HHAT: variants seen among roughly 807,000 people sequenced by gnomAD.
HHAT encodes the protein hedgehog acyltransferase, also known as protein-cysteine N-palmitoyltransferase HHAT.
In HHAT, 47 loss-of-function variants were observed where a neutral mutation model predicts 70.8. The observed-to-expected ratio is 0.66, with a 90% CI of 0.53 to 0.85. HHAT has a LOEUF of 0.85. HHAT is among the 40% of genes least tolerant of loss of function. HHAT has a pLI of 0.00. For synonymous variants in HHAT, 228 were observed against 247.6 expected (o/e 0.92, Z 0.74); for missense variants, 609 against 604.8 (o/e 1.01, Z -0.07).
chr1:210,541,154 TA>T (rs2148660344), intron 9 of HHAT, among the ~76,000 whole-genome samples: 1 of 146,094 alleles, frequency 6.8e-6, no homozygotes, highest in South Asian at 2.2e-4. Flanking sequence ...TATTGCTTTT[TA>T]AATGAAAAAA....
At chr1:210,359,733 G>T (rs1213059963) in intron 2 of HHAT, among the ~76,000 whole-genome samples, 3 of 152,102 alleles carry the variant, frequency 2.0e-5, no homozygotes, top group Non-Finnish European at 4.4e-5. Flanking sequence ...TGGGCATAGT[G>T]GTGCACACCT....
At chr1:210,547,470 G>T (rs2095493518) in intron 9 of HHAT, among the ~76,000 whole-genome samples, 1 of 152,202 alleles carries the variant, frequency 6.6e-6, no homozygotes, top group South Asian at 2.1e-4. Context: ...GAAGCATATG[G>T]AATCCCGTTA....
chr1:210,342,733 A>G (rs2086144305), intron 1 of HHAT, among the ~76,000 whole-genome samples: 1 of 152,226 alleles, frequency 6.6e-6, no homozygotes, highest in Non-Finnish European at 1.5e-5. Flanking sequence ...AAAGAGGGAC[A>G]TGCTTGTTTA....
Position 210,387,524 on chromosome 1 carries a change from G to A in HHAT, c.216G>A (p.Val72=), listed in dbSNP as rs2091172793. 1 of 1,614,138 alleles carries A rather than the reference G, an allele frequency of 6.2e-7. No homozygotes were observed. Among genetic ancestry groups the A allele is most frequent in the South Asian group, 1.1e-5 (1 of 91,070 alleles). Residue 72 remains valine, a synonymous_variant, in exon 4 of 12, where the codon GTG becomes GTA. Transcript: ENST00000261458. ...FWMEWGKQWL[V]WLLLGHMVVS... ...TGGAATGGGGGAAGCAGTGGCTGGT[G>A]TGGCTTCTCCTTGGCCACATGGTAG... is the stretch of plus-strand genomic sequence containing the variant.
At chr1:210,449,111 G>A (rs1182027948) in intron 7 of HHAT, among the ~76,000 whole-genome samples, 2 of 152,126 alleles carry the variant, frequency 1.3e-5, no homozygotes, top group Non-Finnish European at 2.9e-5. Context: ...CTTTAATAAA[G>A]GTTTAGGAGA....
At chr1:210,408,559 T>TG (rs2092420404) in intron 6 of HHAT, among the ~76,000 whole-genome samples, 1 of 152,136 alleles carries the variant, frequency 6.6e-6, no homozygotes, top group African/African-American at 2.4e-5. Flanking sequence ...AGTGAGACCC[T>TG]GGGTATCCAG....
chr1:210,557,419 C>T (rs1034571945), intron 9 of HHAT, among the ~76,000 whole-genome samples: 1 of 152,164 alleles, frequency 6.6e-6, no homozygotes, highest in African/African-American at 2.4e-5. Context: ...GCCTGACGAT[C>T]AGAACCTAAG....
At chr1:210,636,655 C>A (rs1335845959) in intron 11 of HHAT, among the ~76,000 whole-genome samples, 3 of 152,082 alleles carry the variant, frequency 2.0e-5, no homozygotes, top group Non-Finnish European at 1.5e-5. Context: ...TTTTAGAATT[C>A]TATTTTCTCC....
chr1:210,496,361 C>A (rs918975114), intron 8 of HHAT, among the ~76,000 whole-genome samples: 3 of 152,098 alleles, frequency 2.0e-5, no homozygotes, highest in Admixed American at 6.6e-5. Context: ...TAAGACAGAA[C>A]AAGAGAGTGC....
chr1:210,458,004 T>G (rs1275058424), intron 7 of HHAT, among the ~76,000 whole-genome samples: 2 of 152,150 alleles, frequency 1.3e-5, no homozygotes, highest in African/African-American at 4.8e-5. Context: ...TCCTCATGTG[T>G]GATACAGATA....
intron 2 of HHAT, among the ~76,000 whole-genome samples, chr1:210,351,603 A>G (rs1432420842): frequency 6.6e-6 from 1 of 152,116 alleles, no homozygotes; most frequent in African/African-American, 2.4e-5. Flanking sequence ...TGTTTCATGT[A>G]TTGTCAGCTG....
intron 9 of HHAT, among the ~76,000 whole-genome samples, chr1:210,535,199 C>T (rs1224331593): frequency 6.6e-6 from 1 of 152,170 alleles, no homozygotes; most frequent in East Asian, 1.9e-4. Context: ...CCTCCATTGC[C>T]AGCACTACTT....
intron 9 of HHAT, among the ~76,000 whole-genome samples, chr1:210,577,563 CT>C (rs1418659177): frequency 1.3e-5 from 2 of 149,228 alleles, no homozygotes; most frequent in East Asian, 3.9e-4. Context: ...TTTCAACGTA[CT>C]GTTGAATTTG....
chr1:210,483,604 T>C (rs540492193), intron 8 of HHAT, among the ~76,000 whole-genome samples: 11 of 82,126 alleles, frequency 1.3e-4, no homozygotes, highest in Non-Finnish European at 2.7e-4. Flanking sequence ...TTATGTCTAA[T>C]AGCTATCATC....
intron 9 of HHAT, among the ~76,000 whole-genome samples, chr1:210,555,458 C>T (rs1234829549): frequency 6.6e-6 from 1 of 152,166 alleles, no homozygotes; most frequent in Non-Finnish European, 1.5e-5. Flanking sequence ...CTGGGAAGTC[C>T]TGGAATTGGG....
intron 10 of HHAT, among the ~76,000 whole-genome samples, chr1:210,621,161 A>G (rs1386260464): frequency 6.6e-6 from 1 of 152,146 alleles, no homozygotes; most frequent in Admixed American, 6.5e-5. Flanking sequence ...TTCCTCTCTC[A>G]GTACCTCTGT....
chr1:210,400,648 G>A lies in HHAT; in HGVS notation c.454G>A (p.Val152Met), dbSNP rs878891703. The change falls in exon 5 of 12, where the codon GTG becomes ATG. Residue 152 changes from valine (V) to methionine (M), a missense_variant. Transcript: ENST00000261458. ...LLLSTLRLQG[V>M]EEVKRRWYKT... is the part of the protein sequence containing the mutation. The stretch of plus-strand genomic sequence containing the variant: ...CCTCTCCACACTGAGGCTGCAGGGT[G>A]TGGAAGAAGTTAAGGTAAGTGTTTT... The A allele has an allele frequency of 1.2e-6, 2 of 1,612,902 alleles. No homozygotes were observed. The highest frequency in any genetic ancestry group is 2.2e-5 in the East Asian group (1 of 44,878).
At chr1:210,422,400 A>C (rs1054757174) in intron 7 of HHAT, among the ~76,000 whole-genome samples, 2 of 152,070 alleles carry the variant, frequency 1.3e-5, no homozygotes, top group African/African-American at 2.4e-5. Flanking sequence ...CTTTTAACAA[A>C]TCTCTCCCTA....
At chr1:210,395,989 A>G (rs1558430657) in intron 4 of HHAT, among the ~76,000 whole-genome samples, 1 of 152,124 alleles carries the variant, frequency 6.6e-6, no homozygotes, top group Non-Finnish European at 1.5e-5. Flanking sequence ...TATTAAGGAG[A>G]CTATCAAGTA....
Sources: allele counts gnomAD v4.1 joint callset (sites outside exome capture counted in the v4.1 genomes callset), GRCh38; gene constraint gnomAD v4.1.1; transcripts MANE v1.5; gene names NCBI Gene and HGNC (gene_info 2026-07-23, HGNC 2026-07-21).